Variants in EPB41L3 observed in about 807,000 individuals in gnomAD.
EPB41L3 encodes band 4.1-like protein 3.
EPB41L3 carries 57 observed loss-of-function variants against 127.1 expected under a neutral mutation model. That is an observed-to-expected ratio of 0.45 (90% CI 0.36 to 0.56). The LOEUF (loss-of-function observed/expected upper bound fraction) is 0.56, where lower values mean the gene tolerates loss of function less well. Among genes scored for constraint, EPB41L3 ranks in the 20% least tolerant of loss-of-function variants. The pLI, the probability that EPB41L3 is intolerant of heterozygous loss-of-function variation, is 0.00. For missense variants in EPB41L3, 1,273 were observed against 1,372.2 expected (o/e 0.93, Z 1.14); for synonymous variants, 572 against 549.5 (o/e 1.04, Z -0.57).
At chr18:5,578,186 C>T (rs1568600319) in intron 3 of EPB41L3, among the ~76,000 whole-genome samples, 1 of 152,152 alleles carries the variant, frequency 6.6e-6, no homozygotes, top group Non-Finnish European at 1.5e-5. Flanking sequence ...TATGCCAGCA[C>T]TTACAGTTCC....
chr18:5,595,765 T>A (rs1054416473), intron 3 of EPB41L3, among the ~76,000 whole-genome samples: 1 of 152,192 alleles, frequency 6.6e-6, no homozygotes, highest in African/African-American at 2.4e-5. Flanking sequence ...TTCCTGGACA[T>A]GTGCTTATTT....
chr18:5,558,564 A>C (rs1457897225), intron 3 of EPB41L3, among the ~76,000 whole-genome samples: 1 of 152,208 alleles, frequency 6.6e-6, no homozygotes, highest in Non-Finnish European at 1.5e-5. Flanking sequence ...TAGAAGGTGC[A>C]TGGTCTGGGT....
chr18:5,397,991 G>A lies in EPB41L3; in HGVS notation c.2472+30C>T. 1 of 1,613,860 alleles carries A rather than the reference G, an allele frequency of 6.2e-7. No individual in the cohort carries two copies. ...AAGGAAAGGCACATGGGCACATTCA[G>A]AAACACCAAGGACGAAAACAAATGG... On this transcript the variant is annotated intron_variant, in intron 17 of 22. Coordinates refer to ENST00000341928, the MANE Select transcript of EPB41L3 (RefSeq NM_012307.5). This position sits in a 1 kb window ranked among gnomAD's most constrained non-coding sequence, Gnocchi z 4.1.
chr18:5,486,807 A>G (rs1276287842), intron 2 of EPB41L3, among the ~76,000 whole-genome samples: 1 of 152,244 alleles, frequency 6.6e-6, no homozygotes, highest in African/African-American at 2.4e-5. Context: ...AATGGCATAT[A>G]TCAAAAAGAC....
chr18:5,427,688 G>A (rs1322602641), intron 9 of EPB41L3, among the ~76,000 whole-genome samples: 4 of 152,176 alleles, frequency 2.6e-5, no homozygotes, highest in Non-Finnish European at 5.9e-5. Context: ...ACAACAGCAT[G>A]TGGAGGAAGA....
At chr18:5,432,653 G>A (rs981171988) in intron 8 of EPB41L3, among the ~76,000 whole-genome samples, 1 of 152,118 alleles carries the variant, frequency 6.6e-6, no homozygotes, top group Non-Finnish European at 1.5e-5. Flanking sequence ...TACCACTACT[G>A]AAAAGTACGA....
intron 3 of EPB41L3, among the ~76,000 whole-genome samples, chr18:5,573,842 C>T (rs542866895): frequency 3.3e-5 from 5 of 151,482 alleles, no homozygotes; most frequent in Admixed American, 6.6e-5. Context: ...AGAGCTCAGA[C>T]GAAGAATTAC....
intron 1 of EPB41L3, among the ~76,000 whole-genome samples, chr18:5,527,943 GACA>G (rs1233467626): frequency 6.6e-6 from 1 of 152,152 alleles, no homozygotes; most frequent in Non-Finnish European, 1.5e-5. Flanking sequence ...CTGACTGTTA[GACA>G]ACAACAAAAA....
intron 1 of EPB41L3, among the ~76,000 whole-genome samples, chr18:5,498,612 G>C (rs112558908): frequency 0.028 from 1,429 of 51,900 alleles, 45 homozygotes; most frequent in African/African-American, 0.082. Flanking sequence ...AAAAAAAAAA[G>C]AAAATGGACT....
intron 3 of EPB41L3, among the ~76,000 whole-genome samples, chr18:5,596,151 A>T (rs2094534955): frequency 6.6e-6 from 1 of 152,204 alleles, no homozygotes. Flanking sequence ...ACTTACCTGA[A>T]GGCCAGAATG....
intron 3 of EPB41L3, among the ~76,000 whole-genome samples, chr18:5,456,125 A>G (rs2083020642): frequency 1.3e-5 from 2 of 152,222 alleles, no homozygotes. Context: ...AAATATAGAC[A>G]ATAAAAACAC....
Position 5,397,912 on chromosome 18 carries a change from G to T in EPB41L3, c.2472+109C>A. Reference sequence around the variant, plus strand: ...CAATAAGTGAAGACACCTTTGAGATGTTGAAGGCAAAGCCAGCTGGATGCA... The same window carrying T: ...CAATAAGTGAAGACACCTTTGAGATTTTGAAGGCAAAGCCAGCTGGATGCA... On this transcript the variant is annotated intron_variant, in intron 17 of 22. Transcript: ENST00000341928. The surrounding 1 kb of genome is among the most constrained non-coding windows in gnomAD (Gnocchi z 4.1). 1 of 1,330,658 alleles carries T rather than the reference G, an allele frequency of 7.5e-7. No homozygotes were observed. The highest frequency in any genetic ancestry group is 1.1e-6 in the Non-Finnish European group (1 of 945,798). The allele number at this position is 1,330,658 out of a possible 1,614,324, so 82.4% of individuals were successfully genotyped here. A position where few individuals can be genotyped will look rare whatever the true frequency, so the allele number is the denominator to read the frequency against.
intron 3 of EPB41L3, among the ~76,000 whole-genome samples, chr18:5,556,365 A>G (rs1158963986): frequency 6.6e-6 from 1 of 152,188 alleles, no homozygotes; most frequent in Non-Finnish European, 1.5e-5. Context: ...TTGAGCAGCT[A>G]CTCTGGGTAG....
chr18:5,433,791 T>C (rs2145806685), intron 7 of EPB41L3, 112 bp downstream of exon 7: 4 of 1,202,408 alleles, frequency 3.3e-6, no homozygotes, highest in South Asian at 2.7e-5. Context: ...ACCCACACTA[T>C]GCTCACGTCT....
intron 3 of EPB41L3, among the ~76,000 whole-genome samples, chr18:5,550,506 T>C (rs1429398962): frequency 6.6e-6 from 1 of 152,226 alleles, no homozygotes; most frequent in Non-Finnish European, 1.5e-5. Flanking sequence ...TTTACATCCA[T>C]ATATGTTTAG....
intron 3 of EPB41L3, among the ~76,000 whole-genome samples, chr18:5,470,321 C>T (rs2085880338): frequency 6.6e-6 from 1 of 152,218 alleles, no homozygotes; most frequent in African/African-American, 2.4e-5. Context: ...ATTTGGTCTT[C>T]AGTGCCTGGA....
intron 2 of EPB41L3, among the ~76,000 whole-genome samples, chr18:5,481,422 G>A (rs529755014): frequency 2.8e-4 from 43 of 152,160 alleles, no homozygotes; most frequent in Admixed American, 1.9e-3. Context: ...GATTCTGCCC[G>A]GCAATAAAAG....
Position 5,523,943 on chromosome 18 carries a change from T to C in EPB41L3, c.-12+19970A>G, listed in dbSNP as rs377457809. Among the ~76,000 whole-genome samples, 13 of 152,176 alleles carry C rather than the reference T, an allele frequency of 8.5e-5. No individual in the cohort carries two copies. The East Asian group carries it at 2.1e-3, about 25-fold the overall frequency. On this transcript the variant is annotated intron_variant, in intron 1 of 22. Coordinates refer to ENST00000341928, the MANE Select transcript of EPB41L3 (RefSeq NM_012307.5). ...ACAAGTAGATATTTAAATGACTATATATATATGATTTCTATGAATATTTCT... is the reference window on the plus strand; with the variant it reads ...ACAAGTAGATATTTAAATGACTATACATATATGATTTCTATGAATATTTCT...
intron 5 of EPB41L3, among the ~76,000 whole-genome samples, chr18:5,442,584 A>G (rs1477177469): frequency 6.6e-6 from 1 of 152,164 alleles, no homozygotes; most frequent in Non-Finnish European, 1.5e-5. Context: ...TTTAATAGTA[A>G]ACTGTTGAAA....
Sources: allele counts gnomAD v4.1 joint callset (sites outside exome capture counted in the v4.1 genomes callset), GRCh38; gene constraint gnomAD v4.1.1; non-coding constraint Gnocchi (gnomAD v3.1); transcripts MANE v1.5; gene names NCBI Gene and HGNC (gene_info 2026-07-23, HGNC 2026-07-21).